HNF4G: variants seen among roughly 807,000 people sequenced by gnomAD.
HNF4G encodes hepatocyte nuclear factor 4 gamma.
Under a neutral mutation model 50.9 loss-of-function variants are expected in HNF4G, and 21 were observed. The ratio of observed to expected loss-of-function variants is 0.41; its 90% CI spans 0.29 to 0.59. The LOEUF is 0.59. Ranked by LOEUF, HNF4G falls within the 20% of genes least tolerant of loss-of-function variation. The probability of loss-of-function intolerance (pLI) is 0.26; values close to 1 mark genes in which losing one functional copy is unlikely to be tolerated. For synonymous variants in HNF4G, 198 were observed against 185.6 expected (o/e 1.07, Z -0.54); for missense variants, 527 against 559.4 (o/e 0.94, Z 0.58).
intron 1 of HNF4G, among the ~76,000 whole-genome samples, chr8:75,434,637 G>A (rs1411735301): frequency 3.3e-5 from 5 of 150,824 alleles, no homozygotes; most frequent in Admixed American, 1.3e-4. Context: ...ATTTGGAAAC[G>A]CTTAACAAAA....
chr8:75,549,493 A>G (rs890017446), intron 3 of HNF4G, among the ~76,000 whole-genome samples: 1 of 150,694 alleles, frequency 6.6e-6, no homozygotes, highest in Non-Finnish European at 1.5e-5. Context: ...ACCAGTAAGT[A>G]TGATTTTAAA....
chr8:75,510,110 T>C (rs73347021), intron 2 of HNF4G, among the ~76,000 whole-genome samples: 27 of 152,238 alleles, frequency 1.8e-4, no homozygotes, highest in African/African-American at 6.3e-4. Flanking sequence ...GTGATATTGA[T>C]TATCCTAACC....
At chr8:75,465,352 A>T (rs1162924793) in intron 1 of HNF4G, among the ~76,000 whole-genome samples, 5 of 152,222 alleles carry the variant, frequency 3.3e-5, no homozygotes, top group African/African-American at 1.2e-4. Flanking sequence ...AAAGCCAAGC[A>T]TGATTTTTAG....
At chr8:75,541,311 G>C (rs2130784586) in intron 1 of HNF4G, among the ~76,000 whole-genome samples, 1 of 152,188 alleles carries the variant, frequency 6.6e-6, no homozygotes, top group Admixed American at 6.5e-5. Context: ...TAATAATGTT[G>C]TCAGCAATAT....
intron 2 of HNF4G, among the ~76,000 whole-genome samples, chr8:75,546,148 T>C (rs1300508709): frequency 6.6e-6 from 1 of 152,162 alleles, no homozygotes; most frequent in Non-Finnish European, 1.5e-5. Flanking sequence ...TACATATCAA[T>C]ATGTATGGAT....
intron 2 of HNF4G, among the ~76,000 whole-genome samples, chr8:75,493,170 G>GA (rs1812676154): frequency 6.6e-6 from 1 of 152,048 alleles, no homozygotes; most frequent in South Asian, 2.1e-4. Context: ...GGGAAGAAGG[G>GA]AAAATCTCAT....
chr8:75,432,538 T>G (rs369969171), intron 1 of HNF4G, among the ~76,000 whole-genome samples: 1 of 152,144 alleles, frequency 6.6e-6, no homozygotes, highest in East Asian at 1.9e-4. Context: ...TGATCTCAGG[T>G]GATCTGCCCG....
intron 1 of HNF4G, among the ~76,000 whole-genome samples, chr8:75,444,414 A>T (rs1042441683): frequency 1.3e-5 from 2 of 148,522 alleles, no homozygotes; most frequent in African/African-American, 2.5e-5. Context: ...ACAGGATCAA[A>T]TTCACACATA....
rs150093400 is a variant in HNF4G, at chr8:75,489,777, T to C, written c.-143-312T>C. Among the ~76,000 whole-genome samples, 594 of 152,292 alleles carry C rather than the reference T, an allele frequency of 3.9e-3. 1 individual carries two copies. The highest frequency in any genetic ancestry group is 0.013 in the African/African-American group (558 of 41,568). Reference sequence around the variant, plus strand: ...ACTTACAAATGAAAAATCTGGCCAATAAATCTATTTAGTCAGATTTCTCAA... The same window carrying C: ...ACTTACAAATGAAAAATCTGGCCAACAAATCTATTTAGTCAGATTTCTCAA... On this transcript the variant is annotated intron_variant, in intron 1 of 10. Transcript: ENST00000354370.
At chr8:75,448,487 T>TA (rs36100694) in intron 1 of HNF4G, among the ~76,000 whole-genome samples, 55,604 of 105,492 alleles carry the variant, frequency 0.53, 14,892 homozygotes, top group Non-Finnish European at 0.59. Context: ...AAGACCTCTT[T>TA]AAAAAAAAAA....
intron 1 of HNF4G, among the ~76,000 whole-genome samples, chr8:75,448,437 A>G (rs1811482356): frequency 1.2e-5 from 1 of 81,982 alleles, no homozygotes; most frequent in Non-Finnish European, 2.4e-5. Context: ...AAAAAAAAAA[A>G]AAAAAAAGTG....
At chr8:75,512,075 T>C (rs1282690207) in intron 2 of HNF4G, among the ~76,000 whole-genome samples, 1 of 152,196 alleles carries the variant, frequency 6.6e-6, no homozygotes, top group Non-Finnish European at 1.5e-5. Flanking sequence ...ATGATTTTGT[T>C]AATATTATAT....
rs142424655 is a variant in HNF4G, at chr8:75,411,186, G to A, written c.-144+3024G>A. ...GCTCTAGGTCGTGAACGTAACTATG[G>A]CTGCTCCATGTCCTCATTGAGTTGC... On this transcript the variant is annotated intron_variant, in intron 1 of 10. Coordinates refer to the HNF4G transcript ENST00000354370. Among the ~76,000 whole-genome samples, 8 of 152,274 alleles carry A rather than the reference G, an allele frequency of 5.3e-5. No homozygotes were observed. In the East Asian group the frequency reaches 9.7e-4, roughly 19 times the overall value.
intron 1 of HNF4G, among the ~76,000 whole-genome samples, chr8:75,430,076 G>C (rs1185857758): frequency 6.6e-6 from 1 of 151,916 alleles, no homozygotes; most frequent in African/African-American, 2.4e-5. Flanking sequence ...GTTTGAACCC[G>C]GGAGGCAGAG....
At chr8:75,420,587 C>T (rs928694800) in intron 1 of HNF4G, among the ~76,000 whole-genome samples, 2 of 152,156 alleles carry the variant, frequency 1.3e-5, no homozygotes, top group African/African-American at 4.8e-5. Context: ...TTCAATATTC[C>T]TTCCAAACCC....
intron 1 of HNF4G, among the ~76,000 whole-genome samples, chr8:75,481,603 C>T (rs774343075): frequency 7.9e-5 from 12 of 152,036 alleles, no homozygotes; most frequent in South Asian, 2.1e-4. Context: ...ACGAGTAGGG[C>T]GATGAATAGA....
intron 1 of HNF4G, among the ~76,000 whole-genome samples, chr8:75,442,247 C>T (rs974977994): frequency 5.3e-5 from 8 of 152,132 alleles, no homozygotes; most frequent in African/African-American, 1.9e-4. Context: ...ATCGAAATTA[C>T]TGTTCATTCT....
At chr8:75,429,263 G>A (rs1247148524) in intron 1 of HNF4G, among the ~76,000 whole-genome samples, 1 of 152,150 alleles carries the variant, frequency 6.6e-6, no homozygotes, top group African/African-American at 2.4e-5. Context: ...ATCAGGTACT[G>A]ACTCAATTTA....
rs1257049317 is a variant in HNF4G at position 75,441,700 on chromosome 8, G to C, written c.-144+33538G>C. ...ATATGAGTTCACTGATTCTGTGCTTGGATATTATAGCAAAACCAGATTACA... is the reference window on the plus strand; with the variant it reads ...ATATGAGTTCACTGATTCTGTGCTTCGATATTATAGCAAAACCAGATTACA... On this transcript the variant is annotated intron_variant, in intron 1 of 10. Transcript: ENST00000354370. 3.3e-5 allele frequency among the ~76,000 whole-genome samples: 5 copies of C among 152,168 alleles called. No individual in the cohort carries two copies. In the East Asian group the frequency reaches 9.6e-4, roughly 29 times the overall value.
Sources: gnomAD v4.1 joint callset for allele counts (sites outside exome capture counted in the v4.1 genomes callset) on GRCh38, gnomAD v4.1.1 for gene constraint, MANE v1.5 for transcripts, NCBI Gene and HGNC (gene_info 2026-07-23, HGNC 2026-07-21) for gene names.